Variants in WASF3 observed in about 807,000 individuals in gnomAD.
The protein encoded by WASF3 is WASP family member 3.
A neutral mutation model predicts 46.6 loss-of-function variants in WASF3; 11 were observed. The observed-to-expected ratio is 0.24, with a 90% confidence interval of 0.15 to 0.39. The LOEUF is 0.39. Ranked by LOEUF, WASF3 falls within the 10% of genes least tolerant of loss-of-function variation. The pLI is 1.00. For synonymous variants in WASF3, 242 were observed against 259.7 expected (o/e 0.93, Z 0.65); for missense variants, 576 against 669.8 (o/e 0.86, Z 1.55).
At chr13:26,548,822 G>A in the WASF3 span, among the ~76,000 whole-genome samples, 1 of 151,966 alleles carries the variant, frequency 6.6e-6, no homozygotes, top group African/African-American at 2.4e-5. Flanking sequence ...GTCTCTACTT[G>A]TCAAAATGAC....
chr13:26,664,914 A>T, intron 3 of WASF3, 114 bp from the exon 4 acceptor site: 1 of 1,083,404 alleles, frequency 9.2e-7, no homozygotes, highest in Non-Finnish European at 1.4e-6. Flanking sequence ...TTATTTTCAT[A>T]CTCGTTTGCA....
intron 2 of WASF3, among the ~76,000 whole-genome samples, chr13:26,623,957 G>T (rs1428927722): frequency 1.3e-5 from 2 of 152,196 alleles, no homozygotes; most frequent in African/African-American, 2.4e-5. Context: ...CTCAAACCCT[G>T]ACTAGGTTGA....
chr13:26,550,398 C>G, the WASF3 span, among the ~76,000 whole-genome samples: 1 of 152,084 alleles, frequency 6.6e-6, no homozygotes, highest in African/African-American at 2.4e-5. Flanking sequence ...CTGAAGGGAA[C>G]AGATCTTATA....
chr13:26,682,530 C>T lies in WASF3; in HGVS notation c.984-77C>T, dbSNP rs140710155. The T allele has an allele frequency of 2.3e-5, 37 of 1,575,492 alleles. No homozygotes were observed. Among genetic ancestry groups the T allele is most frequent in the South Asian group, 6.8e-5 (6 of 88,520 alleles). On this transcript the variant is annotated intron_variant, in intron 8 of 9. Transcript: ENST00000335327. The surrounding 1 kb of genome is among the most constrained non-coding windows in gnomAD (Gnocchi z 4.4). Reference sequence around the variant, plus strand: ...TACGTGTTGTGTCTGGGGATGGCTCCGTTAGGTGTCTAAGAGCTCCCAGGA... The same window carrying T: ...TACGTGTTGTGTCTGGGGATGGCTCTGTTAGGTGTCTAAGAGCTCCCAGGA...
chr13:26,621,141 T>C (rs1881293575), intron 2 of WASF3, among the ~76,000 whole-genome samples: 1 of 152,122 alleles, frequency 6.6e-6, no homozygotes, highest in Admixed American at 6.6e-5. Flanking sequence ...TATTTCTAGT[T>C]GCGTTTTAAT....
At chr13:26,643,364 T>C (rs532191905) in intron 3 of WASF3, among the ~76,000 whole-genome samples, 4 of 152,258 alleles carry the variant, frequency 2.6e-5, no homozygotes, top group East Asian at 1.9e-4. Context: ...TCAACTACTT[T>C]TATTTATCTT....
Position 26,688,696 on chromosome 13 carries a change from A to G in WASF3, c.*2851A>G, listed in dbSNP as rs574072886. On this transcript the variant is annotated 3_prime_UTR_variant, in exon 10 of 10. Coordinates refer to ENST00000335327, the MANE Select transcript of WASF3 (RefSeq NM_006646.6). ...TTTTATAATAATTTGCAATTAAAATACATGATACATATTAATCCATTAAAG... is the reference window on the plus strand; with the variant it reads ...TTTTATAATAATTTGCAATTAAAATGCATGATACATATTAATCCATTAAAG... 1 of 152,392 alleles carries G rather than the reference A, an allele frequency of 6.6e-6. No individual in the cohort carries two copies. The highest frequency in any genetic ancestry group is 1.9e-4 in the East Asian group (1 of 5,194). 9.4% of individuals were successfully genotyped at this position (152,392 alleles called of 1,614,324 possible). A position where few individuals can be genotyped will look rare whatever the true frequency, so the allele number is the denominator to read the frequency against.
At chr13:26,542,788 T>C in the WASF3 span, among the ~76,000 whole-genome samples, 4 of 152,158 alleles carry the variant, frequency 2.6e-5, no homozygotes, top group African/African-American at 7.2e-5. Flanking sequence ...TGAAACACAT[T>C]GTTAGTTTAT....
At chr13:26,642,175 A>T in intron 2 of WASF3, 86 bp from the exon 3 acceptor site, 1 of 1,402,120 alleles carries the variant, frequency 7.1e-7, no homozygotes, top group South Asian at 1.6e-5. Flanking sequence ...AATTCCTGGA[A>T]AATAGTCAAT....
At chr13:26,591,351 T>C (rs1222984206) in intron 1 of WASF3, among the ~76,000 whole-genome samples, 1 of 152,104 alleles carries the variant, frequency 6.6e-6, no homozygotes, top group Non-Finnish European at 1.5e-5. Flanking sequence ...AACAGTCTGT[T>C]GGGGAACAGA....
chr13:26,671,189 G>A (rs1410735683), intron 5 of WASF3, among the ~76,000 whole-genome samples: 1 of 152,014 alleles, frequency 6.6e-6, no homozygotes. Context: ...CTCCATCATT[G>A]GTTTTATGAT....
Position 26,667,673 on chromosome 13 carries a change from A to T in WASF3, c.422+3A>T. On this transcript the variant is annotated splice_donor_region_variant and intron_variant, in intron 5 of 9. Coordinates refer to ENST00000335327, the MANE Select transcript of WASF3 (RefSeq NM_006646.6). ...CTGAACATCCTGACACCATACAGGTATAGCTTCATGAGTCCCAGAGCCTCT... is the reference window on the plus strand; with the variant it reads ...CTGAACATCCTGACACCATACAGGTTTAGCTTCATGAGTCCCAGAGCCTCT... 1 of 1,613,176 alleles carries T rather than the reference A, an allele frequency of 6.2e-7. No individual in the cohort carries two copies. The highest frequency in any genetic ancestry group is 1.1e-5 in the South Asian group (1 of 90,790).
At chr13:26,621,087 G>T (rs1006291070) in intron 2 of WASF3, among the ~76,000 whole-genome samples, 1 of 152,142 alleles carries the variant, frequency 6.6e-6, no homozygotes, top group Non-Finnish European at 1.5e-5. Context: ...ATGCTGGGGG[G>T]TCTGTGATGC....
At chr13:26,647,712 T>C (rs1406548014) in intron 3 of WASF3, among the ~76,000 whole-genome samples, 1 of 152,038 alleles carries the variant, frequency 6.6e-6, no homozygotes, top group Non-Finnish European at 1.5e-5. Context: ...CCCCATAAAA[T>C]TCTTCTCAGG....
At chr13:26,631,804 G>T (rs1329196806) in intron 2 of WASF3, among the ~76,000 whole-genome samples, 1 of 152,178 alleles carries the variant, frequency 6.6e-6, no homozygotes, top group Non-Finnish European at 1.5e-5. Flanking sequence ...CTATCCATGA[G>T]CATGGAATGT....
chr13:26,576,708 T>C (rs1321225360), intron 1 of WASF3, among the ~76,000 whole-genome samples: 2 of 152,224 alleles, frequency 1.3e-5, no homozygotes, highest in Non-Finnish European at 1.5e-5. Flanking sequence ...TGTTAGTATG[T>C]AGAATTACAG....
chr13:26,615,761 C>T (rs1593149872), intron 2 of WASF3, among the ~76,000 whole-genome samples: 1 of 152,276 alleles, frequency 6.6e-6, no homozygotes, highest in East Asian at 1.9e-4. Flanking sequence ...TTCCTCATGG[C>T]CCTTGGTCAT....
chr13:26,637,322 A>G (rs543148517), intron 2 of WASF3, among the ~76,000 whole-genome samples: 8 of 152,268 alleles, frequency 5.3e-5, no homozygotes, highest in African/African-American at 1.7e-4. Flanking sequence ...CAACAATATC[A>G]TAGGCATTCA....
chr13:26,600,702 C>T (rs981809639), intron 1 of WASF3, among the ~76,000 whole-genome samples: 32 of 152,316 alleles, frequency 2.1e-4, no homozygotes, highest in African/African-American at 7.5e-4. Context: ...TGTTTTAGCT[C>T]CTCTTTCATG....
Sources: allele counts gnomAD v4.1 joint callset (sites outside exome capture counted in the v4.1 genomes callset), GRCh38; gene constraint gnomAD v4.1.1; non-coding constraint Gnocchi (gnomAD v3.1); transcripts MANE v1.5; gene names NCBI Gene and HGNC (gene_info 2026-07-23, HGNC 2026-07-21).